Variants in C9 observed in about 807,000 individuals in gnomAD.
C9 encodes complement component C9.
Under a neutral mutation model 65.4 loss-of-function variants are expected in C9, and 63 were observed. That is an observed-to-expected ratio of 0.96 (90% confidence interval 0.79 to 1.19). The LOEUF is 1.19. C9 is among the 50% of genes most tolerant of loss of function. The pLI, the probability that C9 is intolerant of heterozygous loss-of-function variation, is 0.00. For missense variants in C9, 744 were observed against 670.1 expected (o/e 1.11, Z -1.22); for synonymous variants, 229 against 227.9 (o/e 1.00, Z -0.04).
At chr5:39,331,913 C>G (rs1753847708) in intron 4 of C9, 99 bp from the exon 5 acceptor site, 1 of 963,080 alleles carries the variant, frequency 1.0e-6, no homozygotes. Context: ...CAGTTCATGT[C>G]ACCGTCACCC....
intron 8 of C9, 132 bp from the exon 9 acceptor site, chr5:39,306,924 A>G: frequency 1.6e-6 from 1 of 634,288 alleles, no homozygotes; most frequent in Non-Finnish European, 2.7e-6. Context: ...TTAAATTTTA[A>G]TTGTAAATAT....
At chr5:39,350,945 A>G (rs1333751822) in intron 1 of C9, among the ~76,000 whole-genome samples, 1 of 152,194 alleles carries the variant, frequency 6.6e-6, no homozygotes, top group Non-Finnish European at 1.5e-5. Context: ...CACATTGCCC[A>G]AGTAGAGGTT....
intron 1 of C9, among the ~76,000 whole-genome samples, chr5:39,359,618 A>G (rs946140400): frequency 1.3e-5 from 2 of 152,136 alleles, no homozygotes; most frequent in African/African-American, 4.8e-5. Flanking sequence ...AAAGGGAGGT[A>G]TTGATGCTGC....
At chr5:39,341,740 CA>C (rs749553455) in intron 2 of C9, 40 bp from the exon 3 acceptor site, 20 of 1,596,982 alleles carry the variant, frequency 1.3e-5, no homozygotes, top group Non-Finnish European at 1.5e-5. Context: ...TTTCTAATGC[CA>C]AAAAAAGGGT....
At chr5:39,344,707 A>C (rs1754156458) in intron 1 of C9, among the ~76,000 whole-genome samples, 1 of 152,218 alleles carries the variant, frequency 6.6e-6, no homozygotes, top group African/African-American at 2.4e-5. Context: ...AGCAACTCCA[A>C]GACACATAAT....
intron 5 of C9, among the ~76,000 whole-genome samples, chr5:39,324,314 C>T (rs75246119): frequency 0.1 from 15,607 of 152,038 alleles, 809 homozygotes; most frequent in Middle Eastern, 0.13. Flanking sequence ...AAAGAACAAT[C>T]CTAAATTTTG....
chr5:39,314,419 A>C (rs1307409808), intron 6 of C9, among the ~76,000 whole-genome samples: 1 of 152,116 alleles, frequency 6.6e-6, no homozygotes, highest in Non-Finnish European at 1.5e-5. Context: ...ATTGTACTGC[A>C]GCCTGGGCAA....
At chr5:39,287,458 A>G (rs761327162) in intron 10 of C9, among the ~76,000 whole-genome samples, 1 of 152,052 alleles carries the variant, frequency 6.6e-6, no homozygotes, top group Non-Finnish European at 1.5e-5. Context: ...AGAGGAAAAT[A>G]ATCTTTATAT....
At chr5:39,323,482 G>C in intron 5 of C9, among the ~76,000 whole-genome samples, 1 of 149,542 alleles carries the variant, frequency 6.7e-6, no homozygotes, top group Non-Finnish European at 1.5e-5. Flanking sequence ...GATCAAGTGA[G>C]ATTTATATCT....
At chr5:39,336,560 G>T (rs1035923274) in intron 4 of C9, among the ~76,000 whole-genome samples, 1 of 152,016 alleles carries the variant, frequency 6.6e-6, no homozygotes, top group Admixed American at 6.5e-5. Context: ...TTATTGGAAA[G>T]CTATCTTAAT....
At chr5:39,287,306 A>G (rs1753006963) in intron 10 of C9, among the ~76,000 whole-genome samples, 1 of 151,942 alleles carries the variant, frequency 6.6e-6, no homozygotes. Flanking sequence ...TTCCTCTAGG[A>G]TTTTTATAGT....
At chr5:39,333,131 AT>A (rs1464639705) in intron 4 of C9, among the ~76,000 whole-genome samples, 1 of 152,194 alleles carries the variant, frequency 6.6e-6, no homozygotes, top group Non-Finnish European at 1.5e-5. Context: ...ATGAGAAAAA[AT>A]AAAAAAACAT....
At chr5:39,347,585 G>A (rs1754229587) in intron 1 of C9, among the ~76,000 whole-genome samples, 1 of 152,080 alleles carries the variant, frequency 6.6e-6, no homozygotes, top group Non-Finnish European at 1.5e-5. Context: ...CGTGAAAATG[G>A]CCGTACTGCC....
At chr5:39,292,413 A>G (rs558228257) in intron 9 of C9, among the ~76,000 whole-genome samples, 1 of 149,192 alleles carries the variant, frequency 6.7e-6, no homozygotes, top group African/African-American at 2.5e-5. Context: ...ATTGAAAAAA[A>G]TACTTTTTTT....
At chr5:39,341,837 T>C in intron 2 of C9, 137 bp from the exon 3 acceptor site, 1 of 848,680 alleles carries the variant, frequency 1.2e-6, no homozygotes, top group Non-Finnish European at 1.9e-6. Context: ...GTCACTGATG[T>C]TATTTAGGGT....
chr5:39,349,477 C>T (rs1051846281), intron 1 of C9, among the ~76,000 whole-genome samples: 3 of 152,230 alleles, frequency 2.0e-5, no homozygotes, highest in Admixed American at 6.5e-5. Flanking sequence ...GCTGGAAGCA[C>T]ATTTATGTCT....
chr5:39,348,684 G>C (rs936381059), intron 1 of C9, among the ~76,000 whole-genome samples: 1 of 152,026 alleles, frequency 6.6e-6, no homozygotes, highest in African/African-American at 2.4e-5. Context: ...TATACCCAAA[G>C]GATTATAAGT....
intron 6 of C9, among the ~76,000 whole-genome samples, chr5:39,313,974 C>T (rs890424849): frequency 5.3e-5 from 8 of 152,156 alleles, no homozygotes; most frequent in South Asian, 2.1e-4. Flanking sequence ...GGCCAAAAAC[C>T]TTGGACTTAT....
intron 1 of C9, among the ~76,000 whole-genome samples, chr5:39,345,300 TA>T (rs1238323550): frequency 6.6e-6 from 1 of 152,070 alleles, no homozygotes; most frequent in African/African-American, 2.4e-5. Flanking sequence ...GAGACACACA[TA>T]GGCTCAAAGT....
Sources: gnomAD v4.1 joint callset for allele counts (sites outside exome capture counted in the v4.1 genomes callset) on GRCh38, gnomAD v4.1.1 for gene constraint, MANE v1.5 for transcripts, NCBI Gene and HGNC (gene_info 2026-07-23, HGNC 2026-07-21) for gene names.